SRSF7: variants seen among roughly 807,000 people sequenced by gnomAD.
SRSF7 encodes the protein serine/arginine-rich splicing factor 7.
A neutral mutation model predicts 42.2 loss-of-function variants in SRSF7; 15 were observed. The ratio of observed to expected loss-of-function variants is 0.36; its 90% CI spans 0.24 to 0.55. The LOEUF is 0.55. Ranked by LOEUF, SRSF7 falls within the 20% of genes least tolerant of loss-of-function variation. The probability of loss-of-function intolerance (pLI) is 0.88; values close to 1 mark genes in which losing one functional copy is unlikely to be tolerated. For missense variants in SRSF7, 181 were observed against 305.9 expected, an observed-to-expected ratio of 0.59 and a Z score of 3.04; for synonymous variants, 138 against 107.9, an observed-to-expected ratio of 1.28 and a Z score of -1.73.
intron 5 of SRSF7, among the ~76,000 whole-genome samples, chr2:38,747,670 T>C (rs1336088219): frequency 7.2e-5 from 11 of 152,238 alleles, no homozygotes; most frequent in Admixed American, 7.2e-4. Context: ...GAAATGTTTC[T>C]ACTTGCTTCT....
Position 38,751,284 on chromosome 2 carries a change from T to C in SRSF7, c.-28A>G. The C allele has an allele frequency of 7.4e-6, 12 of 1,613,782 alleles. No individual in the cohort carries two copies. Among genetic ancestry groups the C allele is most frequent in the Middle Eastern group, 1.6e-4 (1 of 6,084 alleles). ...TGACAGACCCGCGTGCTCGGCTCTT[T>C]AGCAAGCAGCGCCCAGGGCTCGAGT... On this transcript the variant is annotated 5_prime_UTR_variant, in exon 1 of 8. Transcript: ENST00000313117.
chr2:38,743,911 T>TG lies in SRSF7; in HGVS notation c.*1221dup. ...CGCAACCAGCAGGTTTTTTTTTTTTTGTACCAAGGCTAGAGAATGCCTGGT... is the reference window on the plus strand; with the variant it reads ...CGCAACCAGCAGGTTTTTTTTTTTTTGGTACCAAGGCTAGAGAATGCCTGGT... On this transcript the variant is annotated 3_prime_UTR_variant, in exon 8 of 8. Transcript: ENST00000313117. 1 of 151,840 alleles carries TG rather than the reference T, an allele frequency of 6.6e-6. No individual in the cohort carries two copies. The highest frequency in any genetic ancestry group is 2.1e-4 in the South Asian group (1 of 4,792). The allele number at this position is 151,840 out of a possible 1,614,324, so 9.4% of individuals were successfully genotyped here.
intron 3 of SRSF7, 72 bp downstream of exon 3, chr2:38,749,457 G>C (rs1330214973): frequency 1.3e-6 from 2 of 1,548,266 alleles, no homozygotes; most frequent in Non-Finnish European, 1.7e-6. Context: ...AAAAACACTA[G>C]TTTCTGCCTT....
Position 38,748,590 on chromosome 2 carries a change from G to A in SRSF7, c.450C>T (p.Ser150=). ...GRRYSRSRSR[S]RGRRSRSASP... is the part of the protein sequence containing the mutation. ...AAACAAGATCTCACCTTCGTCCCCT[G>A]CTCCTGCTGCGTGAGCGAGAGTATC... The change falls in exon 4 of 8, where the codon AGC becomes AGT. Residue 150 remains serine, a synonymous_variant. Coordinates refer to ENST00000313117, the MANE Select transcript of SRSF7 (RefSeq NM_001031684.3). 2.5e-6 allele frequency: 4 copies of A among 1,614,026 alleles called. No homozygotes were observed. Among genetic ancestry groups the A allele is most frequent in the Non-Finnish European group, 3.4e-6 (4 of 1,179,932 alleles).
chr2:38,749,553 C>T lies in SRSF7; in HGVS notation c.362G>A (p.Arg121His). 1.3e-6 allele frequency: 2 copies of T among 1,579,954 alleles called. No individual in the cohort carries two copies. The highest frequency in any genetic ancestry group is 1.7e-6 in the Non-Finnish European group (2 of 1,167,142). ...EKGHYAYDCH[R>H]YSRRRRSRSR... ...CCTGCTTCTTCTTCGCCGGCTGTAA[C>T]GATGACAATCATAAGCATAATGTCC... Residue 121 changes from arginine to histidine, a missense_variant, in exon 3 of 8, where the codon CGT (arginine) becomes CAT (histidine). Physicochemically the swap from Arg to His is conservative, Grantham distance 29. Transcript: ENST00000313117.
chr2:38,745,129 A>C lies in SRSF7; in HGVS notation c.*4T>G. On this transcript the variant is annotated 3_prime_UTR_variant, in exon 8 of 8. Coordinates refer to ENST00000313117, the MANE Select transcript of SRSF7 (RefSeq NM_001031684.3). ...CTTTTCCCTAAAGGGTGAACTTGAG[A>C]GCTTCAGTCCATTCTTTCAGGACTT... 6.8e-6 allele frequency: 11 copies of C among 1,614,102 alleles called. No individual in the cohort carries two copies. The highest frequency in any genetic ancestry group is 1.3e-5 in the African/African-American group (1 of 75,070).
intron 3 of SRSF7, chr2:38,748,881 G>A: frequency 5.8e-6 from 8 of 1,384,096 alleles, no homozygotes; most frequent in Non-Finnish European, 6.6e-6. Flanking sequence ...ACACTGTAAT[G>A]TGTATTTAAA....
At chr2:38,750,925 G>C (rs111962059) in intron 1 of SRSF7, 4 of 383,874 alleles carry the variant, frequency 1.0e-5, no homozygotes, top group Non-Finnish European at 2.0e-5. Context: ...GCCGAGGGCG[G>C]GGGGGGAGGG....
At chr2:38,750,757 G>A (rs1668204738) in intron 1 of SRSF7, 2 of 163,302 alleles carry the variant, frequency 1.2e-5, no homozygotes, top group Non-Finnish European at 2.7e-5. Flanking sequence ...TTAACCGATT[G>A]TTTGACGAGA....
At position 38,748,124 on chromosome 2, in the gene SRSF7, A is replaced by G; in HGVS notation, c.495T>C (p.Ser165=). Residue 165 remains serine, a synonymous_variant, in exon 5 of 8, where the codon TCT becomes TCC. Coordinates refer to ENST00000313117, the MANE Select transcript of SRSF7 (RefSeq NM_001031684.3). ...CTGATCTTGATCTACGAAGAGAGATAGATCTTGATCGTCGAGGAGATGCTG... is the reference window on the plus strand; with the variant it reads ...CTGATCTTGATCTACGAAGAGAGATGGATCTTGATCGTCGAGGAGATGCTG... ...SRSASPRRSR[S]ISLRRSRSAS... 1.8e-5 allele frequency: 29 copies of G among 1,614,022 alleles called. No individual in the cohort carries two copies. Among genetic ancestry groups the G allele is most frequent in the Middle Eastern group, 3.3e-4 (2 of 6,062 alleles).
At chr2:38,748,508 G>A in intron 4 of SRSF7, 71 bp downstream of exon 4, 1 of 1,506,074 alleles carries the variant, frequency 6.6e-7, no homozygotes, top group Non-Finnish European at 9.2e-7. Flanking sequence ...AAAATAATGA[G>A]CTTTTTCTGT....
chr2:38,743,680 AAC>A lies in SRSF7; in HGVS notation c.*1451_*1452del. 2 of 152,684 alleles carry A rather than the reference AAC, an allele frequency of 1.3e-5. No individual in the cohort carries two copies. The highest frequency in any genetic ancestry group is 2.9e-5 in the Non-Finnish European group (2 of 68,050). 9.5% of individuals were successfully genotyped at this position (152,684 alleles called of 1,614,324 possible). On this transcript the variant is annotated 3_prime_UTR_variant, in exon 8 of 8. Transcript: ENST00000313117. ...AGAACAATTAAAGCTAACCAAGTGC[AAC>A]AGATAAATAAGCCTGCCAGTTATAC...
intron 5 of SRSF7, 152 bp from the exon 6 acceptor site, chr2:38,746,899 CAA>C: frequency 7.5e-7 from 1 of 1,325,818 alleles, no homozygotes; most frequent in Non-Finnish European, 1.0e-6. Context: ...CACTGTCAAA[CAA>C]AGTGTTACCA....
intron 6 of SRSF7, 135 bp downstream of exon 6, chr2:38,746,559 C>T (rs1213297375): frequency 1.6e-5 from 21 of 1,326,654 alleles, no homozygotes; most frequent in Non-Finnish European, 1.9e-5. Context: ...AGGACATACA[C>T]AAATAAGGTA....
In SRSF7 at chr2:38,748,182, T is replaced by C. The variant is rs779281127; in HGVS notation, c.462-25A>G. 1.9e-5 allele frequency: 29 copies of C among 1,524,446 alleles called. No homozygotes were observed. The South Asian group carries it at 3.1e-4, about 16-fold the overall frequency. 94.4% of individuals were successfully genotyped at this position (1,524,446 alleles called of 1,614,324 possible). A position where few individuals can be genotyped will look rare whatever the true frequency, so the allele number is the denominator to read the frequency against. ...CCTAAAATAAAGAACTTTAAGTCCA[T>C]CTCCACAGTTTTTTTTTTTTTTGGC... On this transcript the variant is annotated intron_variant, in intron 4 of 7. Coordinates refer to ENST00000313117, the MANE Select transcript of SRSF7 (RefSeq NM_001031684.3).
At chr2:38,748,847 C>T in intron 3 of SRSF7, 194 bp from the exon 4 acceptor site, 2 of 1,338,734 alleles carry the variant, frequency 1.5e-6, no homozygotes, top group South Asian at 1.6e-5. Flanking sequence ...AGCTGAATTA[C>T]AACTTAGCAT....
chr2:38,745,352 C>T (rs368193836), intron 7 of SRSF7, among the ~76,000 whole-genome samples, 165 bp from the exon 8 acceptor site: 1 of 152,134 alleles, frequency 6.6e-6, no homozygotes, highest in Non-Finnish European at 1.5e-5. Context: ...TTGTCCCTGG[C>T]TTAAGATTAG....
At chr2:38,746,824 G>C (rs1179962239) in intron 5 of SRSF7, 77 bp from the exon 6 acceptor site, 1 of 1,588,170 alleles carries the variant, frequency 6.3e-7, no homozygotes, top group African/African-American at 1.4e-5. Context: ...CACTGTATTA[G>C]GTTGGTCAGG....
rs1440638830 is a variant in SRSF7, at chr2:38,751,220, G to A, written c.28+9C>T. ...CACCAACGTCCCTCACCGGACTCCA[G>A]CTTCTTACCTCCTCCGTACCGCCCG... On this transcript the variant is annotated intron_variant, in intron 1 of 7. Coordinates refer to ENST00000313117, the MANE Select transcript of SRSF7 (RefSeq NM_001031684.3). The A allele has an allele frequency of 1.2e-6, 2 of 1,614,050 alleles. No homozygotes were observed. Among genetic ancestry groups the A allele is most frequent in the Non-Finnish European group, 1.7e-6 (2 of 1,179,966 alleles).
Sources: gnomAD v4.1 joint callset for allele counts (sites outside exome capture counted in the v4.1 genomes callset) on GRCh38, gnomAD v4.1.1 for gene constraint, MANE v1.5 for transcripts, NCBI Gene and HGNC (gene_info 2026-07-23, HGNC 2026-07-21) for gene names.